Variants in VAT1L observed in about 807,000 individuals in gnomAD.
The protein encoded by VAT1L is vesicle amine transport 1 like, also known as putative NADPH-dependent quinone oxidoreductase VAT1L.
In VAT1L, 34 loss-of-function variants were observed where a neutral mutation model predicts 44.1. That is an observed-to-expected ratio of 0.77 (90% confidence interval 0.59 to 1.03). The LOEUF is 1.03. Among genes scored for constraint, VAT1L ranks in the 50% least tolerant of loss-of-function variants. The pLI, the probability that VAT1L is intolerant of heterozygous loss-of-function variation, is 0.00. For synonymous variants in VAT1L, 253 were observed against 202.2 expected, an observed-to-expected ratio of 1.25 and a Z score of -2.13; for missense variants, 615 against 538.8, an observed-to-expected ratio of 1.14 and a Z score of -1.40.
intron 7 of VAT1L, among the ~76,000 whole-genome samples, chr16:77,937,487 C>T (rs1597108466): frequency 6.6e-6 from 1 of 152,134 alleles, no homozygotes; most frequent in African/African-American, 2.4e-5. Context: ...AGAGACTTTC[C>T]CCCACTACCT....
intron 2 of VAT1L, 41 bp from the exon 3 acceptor site, chr16:77,825,205 A>ATGACT (rs755520315): frequency 2.2e-5 from 36 of 1,606,246 alleles, no homozygotes; most frequent in African/African-American, 4.0e-5. Flanking sequence ...AGCCTCTGTC[A>ATGACT]TGAGGTAGCC....
intron 1 of VAT1L, among the ~76,000 whole-genome samples, chr16:77,806,710 T>G (rs2016166947): frequency 6.6e-6 from 1 of 152,220 alleles, no homozygotes; most frequent in African/African-American, 2.4e-5. Context: ...TACTAAACAT[T>G]ACTTTTATCA....
intron 1 of VAT1L, among the ~76,000 whole-genome samples, chr16:77,807,172 A>G (rs1393441825): frequency 6.6e-6 from 1 of 152,196 alleles, no homozygotes; most frequent in African/African-American, 2.4e-5. Context: ...CCACAGGGGA[A>G]TAAACCCTGA....
At chr16:77,817,600 C>T (rs2016378468) in intron 2 of VAT1L, among the ~76,000 whole-genome samples, 1 of 152,168 alleles carries the variant, frequency 6.6e-6, no homozygotes, top group African/African-American at 2.4e-5. Flanking sequence ...TAGAACAGAA[C>T]TGGCCATGGA....
intron 7 of VAT1L, among the ~76,000 whole-genome samples, chr16:77,900,620 G>A (rs1315127828): frequency 6.6e-6 from 1 of 151,346 alleles, no homozygotes; most frequent in South Asian, 2.1e-4. Flanking sequence ...ACTTGAACCC[G>A]GGAGGCAGAG....
intron 1 of VAT1L, among the ~76,000 whole-genome samples, chr16:77,805,363 TG>T: frequency 6.6e-6 from 1 of 152,340 alleles, no homozygotes; most frequent in East Asian, 1.9e-4. Context: ...CTGAGATCAA[TG>T]CCTATTTTCC....
At chr16:77,881,375 G>C (rs755681534) in intron 6 of VAT1L, among the ~76,000 whole-genome samples, 1 of 152,138 alleles carries the variant, frequency 6.6e-6, no homozygotes, top group Non-Finnish European at 1.5e-5. Context: ...ACTAATGAGG[G>C]AGACAAACCC....
chr16:77,887,360 G>T (rs766614533), intron 7 of VAT1L, among the ~76,000 whole-genome samples: 15 of 152,164 alleles, frequency 9.9e-5, no homozygotes, highest in African/African-American at 3.6e-4. Context: ...TATCCATCAG[G>T]ACAGAAGCTG....
intron 3 of VAT1L, among the ~76,000 whole-genome samples, chr16:77,849,871 C>T (rs542511472): frequency 6.6e-6 from 1 of 152,328 alleles, no homozygotes; most frequent in African/African-American, 2.4e-5. Context: ...CAGAAAGAGT[C>T]CCGATGTCTG....
intron 7 of VAT1L, among the ~76,000 whole-genome samples, chr16:77,963,906 T>G (rs757568126): frequency 1.3e-5 from 2 of 152,184 alleles, no homozygotes; most frequent in Non-Finnish European, 2.9e-5. Context: ...TCGCAATACG[T>G]GAAGACCTTC....
intron 7 of VAT1L, among the ~76,000 whole-genome samples, chr16:77,897,377 T>C (rs2017335236): frequency 6.6e-6 from 1 of 152,214 alleles, no homozygotes; most frequent in African/African-American, 2.4e-5. Flanking sequence ...TCTTGTACAC[T>C]GTAAACCACT....
chr16:77,790,678 C>G lies in VAT1L; in HGVS notation c.233+1763C>G, dbSNP rs181524482. 6.6e-5 allele frequency among the ~76,000 whole-genome samples: 10 copies of G among 152,122 alleles called. No homozygotes were observed. The East Asian group carries it at 1.7e-3, about 27-fold the overall frequency. ...TTATATATACAGTTGCATATGTATG[C>G]GTATGTAATTTATGACCCTTCATCC... On this transcript the variant is annotated intron_variant, in intron 1 of 8. Coordinates refer to ENST00000302536, the MANE Select transcript of VAT1L (RefSeq NM_020927.3).
chr16:77,854,801 A>G (rs1447039511), intron 3 of VAT1L, among the ~76,000 whole-genome samples: 1 of 152,180 alleles, frequency 6.6e-6, no homozygotes, highest in African/African-American at 2.4e-5. Context: ...TGAGCTGTTT[A>G]ACAGTGAAAA....
chr16:77,839,269 C>G (rs1388011813), intron 3 of VAT1L, among the ~76,000 whole-genome samples: 1 of 151,992 alleles, frequency 6.6e-6, no homozygotes, highest in Non-Finnish European at 1.5e-5. Context: ...GGCGCGATGG[C>G]TCACGCCTGT....
chr16:77,838,106 A>G (rs920584818), intron 3 of VAT1L, among the ~76,000 whole-genome samples: 1 of 152,160 alleles, frequency 6.6e-6, no homozygotes, highest in Non-Finnish European at 1.5e-5. Context: ...TTCCTTGACC[A>G]CATATGAAAT....
chr16:77,842,381 G>C (rs2016716063), intron 3 of VAT1L, among the ~76,000 whole-genome samples: 1 of 152,226 alleles, frequency 6.6e-6, no homozygotes, highest in Non-Finnish European at 1.5e-5. Flanking sequence ...CTTGCATTGA[G>C]AGGGCTCCCA....
In VAT1L at chr16:77,879,138, A is replaced by G. The variant is rs113132305; in HGVS notation, c.827-31A>G. 1,529 of 1,612,402 alleles carry G rather than the reference A, an allele frequency of 9.5e-4. 9 individuals are homozygous for G. In the African/African-American group the frequency reaches 0.013, roughly 14 times the overall value. ...CAAGAGATGTCCATTTTCATTAGCA[A>G]TTGCTTAATGTGGGAATCTTTCATT... On this transcript the variant is annotated intron_variant, in intron 5 of 8. Transcript: ENST00000302536. This position sits in a 1 kb window ranked among gnomAD's most constrained non-coding sequence, Gnocchi z 4.1.
At chr16:77,844,575 C>T (rs932847562) in intron 3 of VAT1L, among the ~76,000 whole-genome samples, 2 of 151,898 alleles carry the variant, frequency 1.3e-5, no homozygotes, top group Non-Finnish European at 2.9e-5. Context: ...CGCCTGGCTA[C>T]TTTTTGTATT....
At chr16:77,900,345 T>C (rs2142475245) in intron 7 of VAT1L, among the ~76,000 whole-genome samples, 1 of 152,240 alleles carries the variant, frequency 6.6e-6, no homozygotes, top group South Asian at 2.1e-4. Context: ...TTTTTCTATA[T>C]AGCAATTAAA....
Sources: allele counts gnomAD v4.1 joint callset (sites outside exome capture counted in the v4.1 genomes callset), GRCh38; gene constraint gnomAD v4.1.1; non-coding constraint Gnocchi (gnomAD v3.1); transcripts MANE v1.5; gene names NCBI Gene and HGNC (gene_info 2026-07-23, HGNC 2026-07-21).